Variants in CNTN6 observed in about 807,000 individuals in gnomAD.
CNTN6 encodes contactin-6.
Under a neutral mutation model 122.8 loss-of-function variants are expected in CNTN6, and 137 were observed. The observed-to-expected ratio is 1.12, with a 90% CI of 0.97 to 1.29. CNTN6 has a LOEUF of 1.29. Ranked by LOEUF, CNTN6 falls within the 50% of genes most tolerant of loss-of-function variation. The pLI, the probability that CNTN6 is intolerant of heterozygous loss-of-function variation, is 0.00. For missense variants in CNTN6, 1,634 were observed against 1,223.4 expected (o/e 1.34, Z -5.01); for synonymous variants, 570 against 426.0 (o/e 1.34, Z -4.16).
intron 11 of CNTN6, among the ~76,000 whole-genome samples, chr3:1,332,126 C>G (rs901350919): frequency 2.0e-5 from 3 of 151,890 alleles, no homozygotes; most frequent in African/African-American, 7.2e-5. Context: ...TACAAACAAG[C>G]AAATTATCTC....
In CNTN6 at chr3:1,220,684, C is replaced by T. The variant is rs780105891; in HGVS notation, c.56-3C>T. On this transcript the variant is annotated splice_region_variant and splice_polypyrimidine_tract_variant and intron_variant, in intron 2 of 22. Coordinates refer to ENST00000446702, the MANE Select transcript of CNTN6 (RefSeq NM_001289080.2). The stretch of plus-strand genomic sequence containing the variant: ...CATGTGATTTATTCTTTTCTTTTCC[C>T]AGGTGATGGTCTTTTAAGCCGTCCT... 4 of 1,598,674 alleles carry T rather than the reference C, an allele frequency of 2.5e-6. No individual in the cohort carries two copies. The highest frequency in any genetic ancestry group is 2.3e-5 in the South Asian group (2 of 87,520).
In CNTN6 at chr3:1,102,998, C is replaced by T. The variant is rs528582748; in HGVS notation, c.-83+9878C>T. On this transcript the variant is annotated intron_variant, in intron 1 of 22. Transcript: ENST00000446702. ...GGCGGCGCCTGTGGTCCCAGCTACTCGGGAGGCTGAGGCAGGAGAATGGCG... is the reference window on the plus strand; with the variant it reads ...GGCGGCGCCTGTGGTCCCAGCTACTTGGGAGGCTGAGGCAGGAGAATGGCG... Among the ~76,000 whole-genome samples, 122 of 150,982 alleles carry T rather than the reference C, an allele frequency of 8.1e-4. 1 individual carries two copies. The highest frequency in any genetic ancestry group is 1.4e-3 in the Non-Finnish European group (98 of 67,818).
chr3:1,107,878 A>G (rs7648368), intron 1 of CNTN6, among the ~76,000 whole-genome samples: 9,876 of 152,152 alleles, frequency 0.065, 427 homozygotes, highest in Non-Finnish European at 0.09. Flanking sequence ...TCTAAATTGC[A>G]GTTTCAAAAT....
intron 5 of CNTN6, among the ~76,000 whole-genome samples, chr3:1,288,395 A>G (rs1400273002): frequency 2.6e-5 from 4 of 152,206 alleles, no homozygotes; most frequent in Non-Finnish European, 5.9e-5. Context: ...CAATGACTTC[A>G]GTCCAGAAAA....
chr3:1,248,602 G>A (rs894841346), intron 4 of CNTN6, among the ~76,000 whole-genome samples: 5 of 152,070 alleles, frequency 3.3e-5, no homozygotes, highest in African/African-American at 9.7e-5. Flanking sequence ...GGTGGATTGC[G>A]TGAGTTCAGG....
At chr3:1,378,005 T>C (rs1427096559) in intron 17 of CNTN6, among the ~76,000 whole-genome samples, 1 of 152,146 alleles carries the variant, frequency 6.6e-6, no homozygotes, top group Admixed American at 6.6e-5. Context: ...AATTCCTTGG[T>C]GCAGACCCAA....
Position 1,372,468 on chromosome 3 carries a change from T to G in CNTN6, c.1662T>G (p.Ile554Met). The part of the protein sequence containing the change: ...LKKGVAHFER[I>M]GGESVGDLMI... ...AAGGAGTGGCTCATTTTGAAAGGAT[T>G]GGAGGAGTAAGTTACTGAAATTGTT... The change falls in exon 13 of 23, where the codon ATT becomes ATG. Residue 554 changes from isoleucine (I) to methionine (M), a missense_variant. Coordinates refer to ENST00000446702, the MANE Select transcript of CNTN6 (RefSeq NM_001289080.2). 1 of 1,604,628 alleles carries G rather than the reference T, an allele frequency of 6.2e-7. No individual in the cohort carries two copies. The highest frequency in any genetic ancestry group is 8.5e-7 in the Non-Finnish European group (1 of 1,176,582).
chr3:1,202,515 T>TG (rs1394237149), intron 2 of CNTN6, among the ~76,000 whole-genome samples: 2 of 151,680 alleles, frequency 1.3e-5, no homozygotes, highest in South Asian at 4.1e-4. Context: ...CCCTCCAGCC[T>TG]GGGCGACAGA....
At chr3:1,360,281 G>A (rs947699475) in intron 12 of CNTN6, among the ~76,000 whole-genome samples, 2 of 151,938 alleles carry the variant, frequency 1.3e-5, no homozygotes, top group Non-Finnish European at 2.9e-5. Flanking sequence ...TTTCCCTCTT[G>A]TTCTCTAGAA....
chr3:1,360,538 T>G (rs1001525006), intron 12 of CNTN6, among the ~76,000 whole-genome samples: 3 of 152,086 alleles, frequency 2.0e-5, no homozygotes, highest in Admixed American at 2.0e-4. Flanking sequence ...TATGTATGTA[T>G]ATAAACATAC....
chr3:1,159,950 A>T (rs2093085315), intron 2 of CNTN6, among the ~76,000 whole-genome samples: 1 of 151,888 alleles, frequency 6.6e-6, no homozygotes, highest in African/African-American at 2.4e-5. Flanking sequence ...CCTCCTGAAT[A>T]GATGGGATTA....
chr3:1,185,526 G>A (rs112763126), intron 2 of CNTN6, among the ~76,000 whole-genome samples: 36 of 152,238 alleles, frequency 2.4e-4, no homozygotes, highest in Middle Eastern at 6.8e-3. Flanking sequence ...TCTGTGTTTG[G>A]TATAAAGGCC....
chr3:1,402,170 A>T, intron 21 of CNTN6, 148 bp from the exon 22 acceptor site: 1 of 562,678 alleles, frequency 1.8e-6, no homozygotes. Flanking sequence ...GCAATGGAAT[A>T]TAAGGAAAAG....
At chr3:1,257,093 G>A (rs532496865) in intron 4 of CNTN6, among the ~76,000 whole-genome samples, 9 of 152,114 alleles carry the variant, frequency 5.9e-5, no homozygotes, top group Admixed American at 2.0e-4. Flanking sequence ...ACAAATTCTT[G>A]TTGTTTTCAT....
intron 1 of CNTN6, among the ~76,000 whole-genome samples, chr3:1,137,005 A>T (rs1427803825): frequency 6.6e-6 from 1 of 152,114 alleles, no homozygotes; most frequent in East Asian, 1.9e-4. Context: ...GAAAAATTCT[A>T]TTATTACTAT....
intron 1 of CNTN6, among the ~76,000 whole-genome samples, chr3:1,112,567 T>C (rs2091530330): frequency 6.6e-6 from 1 of 152,110 alleles, no homozygotes; most frequent in South Asian, 2.1e-4. Context: ...CCTTTTCTGT[T>C]TTTGTTCCAT....
intron 4 of CNTN6, among the ~76,000 whole-genome samples, chr3:1,245,313 T>C (rs541814942): frequency 0.023 from 405 of 17,528 alleles, 107 homozygotes; most frequent in African/African-American, 0.078. Flanking sequence ...TATATATATA[T>C]ATATATATAT....
At chr3:1,339,500 G>A (rs139562507) in intron 11 of CNTN6, among the ~76,000 whole-genome samples, 2,702 of 152,240 alleles carry the variant, frequency 0.018, 42 homozygotes, top group South Asian at 0.039. Context: ...AGTGGGGCAT[G>A]TGTCACCACT....
At chr3:1,151,470 G>A (rs9838871) in intron 2 of CNTN6, among the ~76,000 whole-genome samples, 10,984 of 152,114 alleles carry the variant, frequency 0.072, 1,334 homozygotes, top group African/African-American at 0.25. Flanking sequence ...AAATCATGCC[G>A]TATTTGAAAC....
Sources: allele counts gnomAD v4.1 joint callset (sites outside exome capture counted in the v4.1 genomes callset), GRCh38; gene constraint gnomAD v4.1.1; transcripts MANE v1.5; gene names NCBI Gene and HGNC (gene_info 2026-07-23, HGNC 2026-07-21).